The following RABGEF1 variants were observed in gnomAD, a reference collection of about 807,000 sequenced individuals.
The protein encoded by RABGEF1 is rab5 GDP/GTP exchange factor.
RABGEF1 carries 26 observed loss-of-function variants against 57.3 expected under a neutral mutation model. That is an observed-to-expected ratio of 0.45 (90% CI 0.33 to 0.63). The LOEUF (loss-of-function observed/expected upper bound fraction) is 0.63, where lower values mean the gene tolerates loss of function less well. Ranked by LOEUF, RABGEF1 falls within the 20% of genes least tolerant of loss-of-function variation. RABGEF1 has a pLI of 0.02. For missense variants in RABGEF1, 464 were observed against 607.6 expected (o/e 0.76, Z 2.48); for synonymous variants, 185 against 210.7 (o/e 0.88, Z 1.06).
intron 2 of RABGEF1, among the ~76,000 whole-genome samples, chr7:66,726,939 G>C (rs1315388439): frequency 2.6e-5 from 4 of 152,188 alleles, no homozygotes; most frequent in Non-Finnish European, 5.9e-5. Context: ...AGGAAGCGGA[G>C]ATTGCAGTGA....
At chr7:66,752,099 T>A (rs1051695019) in intron 1 of RABGEF1, among the ~76,000 whole-genome samples, 2 of 151,942 alleles carry the variant, frequency 1.3e-5, no homozygotes, top group African/African-American at 4.8e-5. Context: ...CTCAGGAGGC[T>A]GAGGCTCAAG....
the RABGEF1 span, among the ~76,000 whole-genome samples, chr7:66,656,841 A>G: frequency 4.2e-5 from 6 of 142,890 alleles, no homozygotes; most frequent in Non-Finnish European, 6.1e-5. Flanking sequence ...AAAAAAAAAA[A>G]GTAACCAAAT....
chr7:66,662,225 C>T, the RABGEF1 span, among the ~76,000 whole-genome samples: 5 of 145,862 alleles, frequency 3.4e-5, no homozygotes, highest in African/African-American at 7.6e-5. Flanking sequence ...GGTGACAGAG[C>T]GAGACTCCGT....
chr7:66,772,771 G>A (rs1202427144), intron 2 of RABGEF1, among the ~76,000 whole-genome samples: 1 of 151,890 alleles, frequency 6.6e-6, no homozygotes, highest in Non-Finnish European at 1.5e-5. Flanking sequence ...AGTTAGCCGG[G>A]CATGGTGGTA....
the RABGEF1 span, among the ~76,000 whole-genome samples, chr7:66,656,322 G>C: frequency 6.6e-6 from 1 of 151,864 alleles, no homozygotes; most frequent in South Asian, 2.1e-4. Context: ...TTGGTGTGTT[G>C]CCCAGGCTGG....
intron 2 of RABGEF1, among the ~76,000 whole-genome samples, chr7:66,723,328 C>G (rs12537403): frequency 0.039 from 5,999 of 152,170 alleles, 165 homozygotes; most frequent in East Asian, 0.085. Context: ...GCCATTTTGT[C>G]ACCTTTGACC....
chr7:66,730,979 T>C (rs1797249305), intron 2 of RABGEF1, among the ~76,000 whole-genome samples: 1 of 152,088 alleles, frequency 6.6e-6, no homozygotes, highest in Non-Finnish European at 1.5e-5. Flanking sequence ...CCTGAGGTCA[T>C]CTAGTCTGAA....
the RABGEF1 span, among the ~76,000 whole-genome samples, chr7:66,668,415 C>G: frequency 1.3e-5 from 2 of 152,156 alleles, no homozygotes; most frequent in African/African-American, 2.4e-5. Flanking sequence ...CTATTTTAGA[C>G]ATGAGACTGA....
chr7:66,717,093 A>G (rs1003696881), intron 2 of RABGEF1, among the ~76,000 whole-genome samples: 1 of 152,030 alleles, frequency 6.6e-6, no homozygotes, highest in Non-Finnish European at 1.5e-5. Context: ...TCTGTTTTTT[A>G]TGCCTCACTG....
At chr7:66,664,570 C>T in the RABGEF1 span, among the ~76,000 whole-genome samples, 1 of 152,102 alleles carries the variant, frequency 6.6e-6, no homozygotes, top group Non-Finnish European at 1.5e-5. Context: ...TGCCACTACA[C>T]TGCAGCCCGG....
intron 3 of RABGEF1, among the ~76,000 whole-genome samples, chr7:66,780,043 G>A (rs539860024): frequency 6.6e-6 from 1 of 151,876 alleles, no homozygotes; most frequent in African/African-American, 2.4e-5. Context: ...TTTTAAAAGG[G>A]TTTTTTTTGT....
the RABGEF1 span, among the ~76,000 whole-genome samples, chr7:66,658,875 A>G: frequency 5.9e-5 from 9 of 151,918 alleles, no homozygotes; most frequent in African/African-American, 2.2e-4. Flanking sequence ...AGCTGGGACT[A>G]CAGGCGCCCA....
rs1264603236 is a variant in RABGEF1, at chr7:66,795,545, A to G, written c.548A>G (p.Gln183Arg). The G allele has an allele frequency of 6.2e-7, 1 of 1,612,520 alleles. No individual in the cohort carries two copies. Among genetic ancestry groups the G allele is most frequent in the Non-Finnish European group, 8.5e-7 (1 of 1,178,622 alleles). The change falls in exon 5 of 9, where the codon CAG (glutamine) becomes CGG (arginine). Residue 183 changes from glutamine (Q) to arginine (R), a missense_variant. Gln to Arg is a conservative substitution (Grantham distance 43). Transcript: ENST00000284957. ...ATTGAAGAACAGTCAGAGTGTGCTC[A>G]GGATTTCTACCACAATGTGGCCGAA... ...LSIEEQSECA[Q>R]DFYHNVAERM...
At chr7:66,788,184 C>T (rs576809236) in intron 4 of RABGEF1, among the ~76,000 whole-genome samples, 3 of 152,120 alleles carry the variant, frequency 2.0e-5, no homozygotes, top group Non-Finnish European at 4.4e-5. Flanking sequence ...AGGTTGCTCA[C>T]ACCTGTAATC....
chr7:66,787,566 A>G (rs576391145), intron 4 of RABGEF1, among the ~76,000 whole-genome samples: 2 of 152,134 alleles, frequency 1.3e-5, no homozygotes, highest in Admixed American at 1.3e-4. Context: ...GCTGGTCATG[A>G]ACTCCTAGCC....
chr7:66,717,149 TTCAATTTTAATTTA>T (rs1795503997), intron 2 of RABGEF1, among the ~76,000 whole-genome samples: 1 of 152,242 alleles, frequency 6.6e-6, no homozygotes, highest in African/African-American at 2.4e-5. Context: ...TTGCTTAGTA[TTCAATTTTAATTTA>T]TCAATTGATT....
At chr7:66,788,110 A>G (rs746684209) in intron 4 of RABGEF1, among the ~76,000 whole-genome samples, 1 of 152,170 alleles carries the variant, frequency 6.6e-6, no homozygotes, top group Non-Finnish European at 1.5e-5. Context: ...ACTTCCTCAA[A>G]GTACCTACCC....
intron 1 of RABGEF1, among the ~76,000 whole-genome samples, chr7:66,770,833 T>C (rs540979201): frequency 9.8e-5 from 15 of 152,362 alleles, no homozygotes; most frequent in African/African-American, 3.6e-4. Context: ...TAAAGTGATA[T>C]CTCATTGTGA....
chr7:66,730,170 A>C (rs1349420490), intron 2 of RABGEF1, among the ~76,000 whole-genome samples: 1 of 152,228 alleles, frequency 6.6e-6, no homozygotes, highest in Non-Finnish European at 1.5e-5. Flanking sequence ...AACAGGGTGC[A>C]AGGCATGTCC....
Sources: allele counts gnomAD v4.1 joint callset (sites outside exome capture counted in the v4.1 genomes callset), GRCh38; gene constraint gnomAD v4.1.1; transcripts MANE v1.5; gene names NCBI Gene and HGNC (gene_info 2026-07-23, HGNC 2026-07-21).